The following EFCAB6 variants were observed in gnomAD, a reference collection of about 807,000 sequenced individuals.
EFCAB6 encodes the protein EF-hand calcium-binding domain-containing protein 6.
Under a neutral mutation model 169.8 loss-of-function variants are expected in EFCAB6, and 156 were observed. That is an observed-to-expected ratio of 0.92 (90% CI 0.81 to 1.05). The LOEUF is 1.05. Ranked by LOEUF, EFCAB6 falls within the 50% of genes least tolerant of loss-of-function variation. The pLI, the probability that EFCAB6 is intolerant of heterozygous loss-of-function variation, is 0.00. For synonymous variants in EFCAB6, 698 were observed against 676.4 expected (o/e 1.03, Z -0.50); for missense variants, 1,800 against 1,829.1 (o/e 0.98, Z 0.29).
At chr22:43,623,915 AAAAAAAAG>A (rs1481509249) in intron 20 of EFCAB6, among the ~76,000 whole-genome samples, 173 of 138,880 alleles carry the variant, frequency 1.2e-3, no homozygotes, top group African/African-American at 4.2e-3. Context: ...TCTCAAAAAA[AAAAAAAAG>A]AAAAAAAAGA....
chr22:43,545,708 G>A (rs760634765), intron 27 of EFCAB6, among the ~76,000 whole-genome samples: 31 of 152,198 alleles, frequency 2.0e-4, no homozygotes, highest in Non-Finnish European at 4.1e-4. Flanking sequence ...CTGAGCTCCG[G>A]GCTGGGCACA....
chr22:43,652,469 C>T (rs536699641), intron 17 of EFCAB6, among the ~76,000 whole-genome samples: 5 of 152,218 alleles, frequency 3.3e-5, no homozygotes, highest in African/African-American at 7.2e-5. Flanking sequence ...AGCGTGAAAA[C>T]GGACTGATAC....
chr22:43,555,355 G>A (rs1246500415), intron 26 of EFCAB6, among the ~76,000 whole-genome samples: 16 of 152,178 alleles, frequency 1.1e-4, no homozygotes, highest in African/African-American at 2.9e-4. Context: ...AAGGCTGGGC[G>A]GCCAGCACAG....
At chr22:43,629,907 A>G (rs1269126634) in intron 19 of EFCAB6, among the ~76,000 whole-genome samples, 2 of 152,340 alleles carry the variant, frequency 1.3e-5, no homozygotes, top group Admixed American at 6.5e-5. Flanking sequence ...GAGGGCCAGG[A>G]GTCCAAGACG....
intron 26 of EFCAB6, among the ~76,000 whole-genome samples, chr22:43,560,502 T>C (rs557262097): frequency 9.2e-5 from 14 of 152,286 alleles, no homozygotes; most frequent in African/African-American, 3.4e-4. Context: ...TAGAGAACAG[T>C]GTGGTCAACG....
chr22:43,636,091 T>C (rs1249890540), intron 17 of EFCAB6, among the ~76,000 whole-genome samples: 2 of 152,186 alleles, frequency 1.3e-5, no homozygotes, highest in Admixed American at 1.3e-4. Context: ...CAGTTCTAAA[T>C]GCATCTATGG....
intron 20 of EFCAB6, among the ~76,000 whole-genome samples, chr22:43,619,161 C>T (rs2053954366): frequency 1.3e-5 from 2 of 152,084 alleles, no homozygotes; most frequent in South Asian, 4.2e-4. Context: ...GCATAGCAAC[C>T]AGCTTTGAGA....
chr22:43,682,404 T>C (rs2058040784), intron 12 of EFCAB6, among the ~76,000 whole-genome samples: 2 of 152,348 alleles, frequency 1.3e-5, no homozygotes, highest in Non-Finnish European at 2.9e-5. Flanking sequence ...AACAGTCTAA[T>C]AGTTGGAGTG....
intron 3 of EFCAB6, among the ~76,000 whole-genome samples, chr22:43,777,900 CA>C (rs1203231540): frequency 6.6e-6 from 1 of 152,104 alleles, no homozygotes; most frequent in Non-Finnish European, 1.5e-5. Context: ...GGTGGGAGTA[CA>C]AATTGATGGA....
At chr22:43,534,990 C>G in intron 29 of EFCAB6, 118 bp from the exon 30 acceptor site, 1 of 1,047,472 alleles carries the variant, frequency 9.5e-7, no homozygotes, top group Non-Finnish European at 1.4e-6. Context: ...TTGGTCCTCA[C>G]ATCAAAGAAC....
At chr22:43,621,680 G>A (rs1029774086) in intron 20 of EFCAB6, among the ~76,000 whole-genome samples, 1 of 150,208 alleles carries the variant, frequency 6.7e-6, no homozygotes, top group Non-Finnish European at 1.5e-5. Context: ...GCAGAAAGAA[G>A]GAAATAATAA....
intron 9 of EFCAB6, among the ~76,000 whole-genome samples, chr22:43,714,323 G>A (rs2067808524): frequency 6.6e-6 from 1 of 152,088 alleles, no homozygotes; most frequent in African/African-American, 2.4e-5. Flanking sequence ...AGGGACTACT[G>A]TGGAAGGAAG....
chr22:43,664,952 G>A (rs377183505), intron 17 of EFCAB6, among the ~76,000 whole-genome samples: 10 of 152,258 alleles, frequency 6.6e-5, no homozygotes, highest in African/African-American at 2.2e-4. Context: ...GGGAGATGCT[G>A]GGGGGAGCAG....
chr22:43,730,829 G>A (rs2059923328), intron 8 of EFCAB6, among the ~76,000 whole-genome samples: 1 of 152,206 alleles, frequency 6.6e-6, no homozygotes, highest in Admixed American at 6.5e-5. Flanking sequence ...GAGCACTGGA[G>A]TCTGCTCTAA....
chr22:43,789,000 T>C (rs1054415706), intron 2 of EFCAB6, among the ~76,000 whole-genome samples: 1 of 152,150 alleles, frequency 6.6e-6, no homozygotes, highest in Admixed American at 6.5e-5. Context: ...ATCATTCCAT[T>C]TATATAAAAT....
At chr22:43,797,375 G>A (rs1168415840) in intron 2 of EFCAB6, 1 of 152,584 alleles carries the variant, frequency 6.6e-6, no homozygotes, top group East Asian at 1.9e-4. Context: ...GAGCAATGGG[G>A]TTAGCACAGA....
chr22:43,634,712 T>C (rs2055252501), intron 18 of EFCAB6, among the ~76,000 whole-genome samples: 1 of 152,070 alleles, frequency 6.6e-6, no homozygotes, highest in Non-Finnish European at 1.5e-5. Context: ...TTTTATAATC[T>C]CTGCAACCTT....
intron 26 of EFCAB6, 121 bp downstream of exon 26, chr22:43,576,176 G>A (rs1304925074): frequency 1.4e-6 from 1 of 723,890 alleles, no homozygotes; most frequent in Non-Finnish European, 2.1e-6. Context: ...CATTTAGAAT[G>A]AGCTAATTAC....
Position 43,667,210 on chromosome 22 carries a change from T to C in EFCAB6, c.1877A>G (p.Glu626Gly), listed in dbSNP as rs2057303320. Residue 626 changes from glutamate (E) to glycine (G), a missense_variant, in exon 17 of 32, where the codon GAA (glutamate) becomes GGA (glycine). Glu to Gly is a moderately conservative substitution (Grantham distance 98). Transcript: ENST00000262726. ...TKKMTTEEVI[E>G]KFKKCIQQQD... ...CTGCTGTATACACTTTTTGAATTTT[T>C]CAATCACTTCTTCTGTGGTCATCTT... The C allele has an allele frequency of 6.2e-7, 1 of 1,614,192 alleles. No homozygotes were observed. The highest frequency in any genetic ancestry group is 1.3e-5 in the African/African-American group (1 of 75,056).
Sources: allele counts gnomAD v4.1 joint callset (sites outside exome capture counted in the v4.1 genomes callset), GRCh38; gene constraint gnomAD v4.1.1; transcripts MANE v1.5; gene names NCBI Gene and HGNC (gene_info 2026-07-23, HGNC 2026-07-21).